PRDM10: variants seen among roughly 807,000 people sequenced by gnomAD.
The protein encoded by PRDM10 is PR/SET domain 10.
In PRDM10, 65 loss-of-function variants were observed where a neutral mutation model predicts 133.1. That is an observed-to-expected ratio of 0.49 (90% CI 0.40 to 0.60). PRDM10 has a LOEUF of 0.60. Among genes scored for constraint, PRDM10 ranks in the 20% least tolerant of loss-of-function variants. The pLI is 0.00. For synonymous variants in PRDM10, 582 were observed against 580.4 expected (o/e 1.00, Z -0.04); for missense variants, 1,137 against 1,507.1 (o/e 0.75, Z 4.07).
chr11:129,899,806 A>G lies in PRDM10; in HGVS notation c.*2507T>C, dbSNP rs559322801. 6.5e-6 allele frequency: 1 copy of G among 152,794 alleles called. No homozygotes were observed. Among genetic ancestry groups the G allele is most frequent in the South Asian group, 2.1e-4 (1 of 4,832 alleles). 9.5% of individuals were successfully genotyped at this position (152,794 alleles called of 1,614,324 possible). A position where few individuals can be genotyped will look rare whatever the true frequency, so the allele number is the denominator to read the frequency against. The stretch of plus-strand genomic sequence containing the variant: ...AGACTATTAACACTATAACTCACTG[A>G]ATGTACAATAAATGTTCACATTTAA... On this transcript the variant is annotated 3_prime_UTR_variant, in exon 21 of 21. Coordinates refer to ENST00000360871, the MANE Select transcript of PRDM10 (RefSeq NM_199437.2).
intron 15 of PRDM10, among the ~76,000 whole-genome samples, chr11:129,916,493 T>C (rs1246756250): frequency 6.6e-6 from 1 of 152,092 alleles, no homozygotes; most frequent in Non-Finnish European, 1.5e-5. Flanking sequence ...CAAAAATTAG[T>C]TGGGCGTGGG....
At chr11:129,938,122 CT>C (rs369918477) in intron 7 of PRDM10, among the ~76,000 whole-genome samples, 70 of 148,508 alleles carry the variant, frequency 4.7e-4, no homozygotes, top group Middle Eastern at 3.5e-3. Context: ...CTGTTGGCCT[CT>C]TTTTTTTTTC....
At chr11:129,963,835 A>C (rs59911969) in intron 1 of PRDM10, among the ~76,000 whole-genome samples, 3,594 of 152,250 alleles carry the variant, frequency 0.024, 135 homozygotes, top group African/African-American at 0.083. Context: ...AACTCTAATG[A>C]ATGTCCTTTA....
chr11:129,995,982 G>A (rs903193167), intron 1 of PRDM10, among the ~76,000 whole-genome samples: 1 of 152,040 alleles, frequency 6.6e-6, no homozygotes, highest in South Asian at 2.1e-4. Flanking sequence ...GAAAAAAAAA[G>A]GGAGGAAAAC....
rs1322788247 is a variant in PRDM10 at position 129,956,841 on chromosome 11, G to A, written c.234+905C>T. 2.0e-5 allele frequency among the ~76,000 whole-genome samples: 3 copies of A among 152,098 alleles called. No homozygotes were observed. The South Asian group carries it at 6.2e-4, about 31-fold the overall frequency. On this transcript the variant is annotated intron_variant, in intron 3 of 20. Transcript: ENST00000360871. ...GAGGGCAAATTTTTCTTACCAAGATGCTACTATAAAAGTATGGAATTTAGA... is the reference window on the plus strand; with the variant it reads ...GAGGGCAAATTTTTCTTACCAAGATACTACTATAAAAGTATGGAATTTAGA...
chr11:129,980,861 G>GTTTTTT (rs60735364), intron 1 of PRDM10, among the ~76,000 whole-genome samples: 1 of 102,128 alleles, frequency 9.8e-6, no homozygotes, highest in African/African-American at 4.1e-5. Context: ...GACATTTCTG[G>GTTTTTT]TTTTTTTTTT....
chr11:129,961,501 T>C (rs1047466297), intron 1 of PRDM10, among the ~76,000 whole-genome samples: 5 of 151,996 alleles, frequency 3.3e-5, no homozygotes, highest in African/African-American at 1.2e-4. Flanking sequence ...AGATGTGTTT[T>C]CACCATGTTG....
chr11:129,950,459 G>C (rs569001977), intron 4 of PRDM10, among the ~76,000 whole-genome samples: 2 of 152,182 alleles, frequency 1.3e-5, no homozygotes, highest in South Asian at 4.1e-4. Flanking sequence ...AAAGTTTTAC[G>C]GGGGAAGCCA....
At chr11:129,971,569 C>T (rs926747178) in intron 1 of PRDM10, among the ~76,000 whole-genome samples, 4 of 152,042 alleles carry the variant, frequency 2.6e-5, no homozygotes, top group Non-Finnish European at 5.9e-5. Context: ...TACAGAGTGC[C>T]CATAGGTGTA....
At chr11:129,944,546 C>A (rs939408705) in intron 6 of PRDM10, among the ~76,000 whole-genome samples, 6 of 150,074 alleles carry the variant, frequency 4.0e-5, no homozygotes, top group Admixed American at 3.3e-4. Flanking sequence ...GATCGCGCCA[C>A]TGCACTCCAG....
intron 3 of PRDM10, among the ~76,000 whole-genome samples, chr11:129,957,265 G>A (rs768905469): frequency 1.6e-4 from 24 of 152,176 alleles, no homozygotes; most frequent in African/African-American, 3.1e-4. Context: ...TGCATTTAGC[G>A]TCAAGAAATA....
At chr11:129,982,033 G>A (rs971398883) in intron 1 of PRDM10, among the ~76,000 whole-genome samples, 6 of 151,818 alleles carry the variant, frequency 4.0e-5, no homozygotes, top group East Asian at 2.0e-4. Context: ...CGAGGCTGGT[G>A]GATCACTTGA....
At chr11:129,976,173 C>A (rs971940451) in intron 1 of PRDM10, among the ~76,000 whole-genome samples, 1 of 152,220 alleles carries the variant, frequency 6.6e-6, no homozygotes, top group Admixed American at 6.5e-5. Context: ...CACCCCTTGG[C>A]TTCCTGAGCA....
In PRDM10 at chr11:129,955,529, C is replaced by G. The variant is rs1951680074; in HGVS notation, c.277G>C (p.Asp93His). 6.2e-7 allele frequency: 1 copy of G among 1,613,956 alleles called. No individual in the cohort carries two copies. Among genetic ancestry groups the G allele is most frequent in the African/African-American group, 1.3e-5 (1 of 74,918 alleles). The change falls in exon 4 of 21, where the codon GAT (aspartate) becomes CAT (histidine). Residue 93 changes from aspartate (D) to histidine (H), a missense_variant. Transcript: ENST00000360871. The stretch of plus-strand genomic sequence containing the variant: ...TTCGTTACCTGCTGAGCTGTAGCAT[C>G]CTGTTGGACATAAGCTACCTGGCCG... ...DPGQVAYVQQ[D>H]ATAQQASLPV... is the part of the protein sequence containing the mutation.
intron 10 of PRDM10, 101 bp downstream of exon 10, chr11:129,932,001 T>C: frequency 7.2e-7 from 1 of 1,385,074 alleles, no homozygotes; most frequent in Non-Finnish European, 9.8e-7. Context: ...ATAGGAAAGG[T>C]CTACAAACAT....
intron 1 of PRDM10, among the ~76,000 whole-genome samples, chr11:129,966,348 T>A (rs138369909): frequency 1.3e-5 from 2 of 152,314 alleles, no homozygotes; most frequent in Non-Finnish European, 2.9e-5. Context: ...ACAAAGTACG[T>A]TCCCCCCATG....
intron 1 of PRDM10, among the ~76,000 whole-genome samples, chr11:129,982,728 A>T (rs985303100): frequency 4.6e-5 from 7 of 152,110 alleles, no homozygotes; most frequent in African/African-American, 1.7e-4. Context: ...AGGTGGGAGG[A>T]TCACTTGAGC....
Position 129,899,804 on chromosome 11 carries a change from T to C in PRDM10, c.*2509A>G, listed in dbSNP as rs1949794659. On this transcript the variant is annotated 3_prime_UTR_variant, in exon 21 of 21. Transcript: ENST00000360871. ...CAAGACTATTAACACTATAACTCAC[T>C]GAATGTACAATAAATGTTCACATTT... is the stretch of plus-strand genomic sequence containing the variant. 6.6e-6 allele frequency: 1 copy of C among 152,648 alleles called. No homozygotes were observed. Among genetic ancestry groups the C allele is most frequent in the Non-Finnish European group, 1.5e-5 (1 of 68,034 alleles). The allele number at this position is 152,648 out of a possible 1,614,324, so 9.5% of individuals were successfully genotyped here. A position where few individuals can be genotyped will look rare whatever the true frequency, so the allele number is the denominator to read the frequency against.
chr11:129,940,971 A>G (rs12801743), intron 7 of PRDM10, among the ~76,000 whole-genome samples: 1 of 152,132 alleles, frequency 6.6e-6, no homozygotes, highest in East Asian at 1.9e-4. Context: ...TCACAGTTAA[A>G]AAATATTCAC....
Sources: gnomAD v4.1 joint callset for allele counts (sites outside exome capture counted in the v4.1 genomes callset) on GRCh38, gnomAD v4.1.1 for gene constraint, MANE v1.5 for transcripts, NCBI Gene and HGNC (gene_info 2026-07-23, HGNC 2026-07-21) for gene names.